RBFOX1: variants seen among roughly 807,000 people sequenced by gnomAD.
RBFOX1 encodes RNA binding fox-1 homolog 1.
RBFOX1 carries 8 observed loss-of-function variants against 57.7 expected under a neutral mutation model. The ratio of observed to expected loss-of-function variants is 0.14; its 90% CI spans 0.08 to 0.25. The LOEUF is 0.25. Among genes scored for constraint, RBFOX1 ranks in the 10% least tolerant of loss-of-function variants. The pLI is 1.00. For synonymous variants in RBFOX1, 326 were observed against 222.4 expected, an observed-to-expected ratio of 1.47 and a Z score of -4.15; for missense variants, 611 against 548.5, an observed-to-expected ratio of 1.11 and a Z score of -1.14.
chr16:6,156,765 G>T (rs1333346169), intron 1 of RBFOX1, among the ~76,000 whole-genome samples: 2 of 152,148 alleles, frequency 1.3e-5, no homozygotes, highest in South Asian at 2.1e-4. Context: ...TCCATTGGGG[G>T]CTCTTGTGTT....
chr16:6,117,226 C>G (rs1436572041), intron 1 of RBFOX1, among the ~76,000 whole-genome samples: 1 of 152,218 alleles, frequency 6.6e-6, no homozygotes, highest in East Asian at 1.9e-4. Flanking sequence ...CCACAAATTA[C>G]TATGAGTGTG....
intron 3 of RBFOX1, among the ~76,000 whole-genome samples, chr16:6,920,649 T>G (rs987862123): frequency 7.2e-5 from 11 of 152,166 alleles, no homozygotes; most frequent in Non-Finnish European, 1.6e-4. Flanking sequence ...TGAGGGAGAA[T>G]ACATTTCATA....
chr16:7,687,513 A>T (rs540902982), intron 14 of RBFOX1, among the ~76,000 whole-genome samples: 1 of 152,128 alleles, frequency 6.6e-6, no homozygotes, highest in Admixed American at 6.6e-5. Flanking sequence ...ACTCTTTGGT[A>T]AGATCAGCAA....
chr16:6,437,089 A>T (rs1281872364), intron 2 of RBFOX1, among the ~76,000 whole-genome samples: 1 of 152,182 alleles, frequency 6.6e-6, no homozygotes, highest in Non-Finnish European at 1.5e-5. Context: ...TGGACTTAAA[A>T]ACCAAATTAA....
chr16:5,880,471 GC>G (rs1222639221), intron 4 of RBFOX1, among the ~76,000 whole-genome samples: 29 of 152,308 alleles, frequency 1.9e-4, no homozygotes, highest in Admixed American at 1.8e-3. Context: ...ATTACTTTCA[GC>G]CAGCAGATCC....
At chr16:6,133,259 G>T (rs1204579513) in intron 1 of RBFOX1, among the ~76,000 whole-genome samples, 1 of 152,122 alleles carries the variant, frequency 6.6e-6, no homozygotes, top group East Asian at 1.9e-4. Context: ...CCACTGCCCT[G>T]CAGAGTTGAT....
intron 1 of RBFOX1, among the ~76,000 whole-genome samples, chr16:6,235,477 C>T (rs570053147): frequency 6.6e-6 from 1 of 151,848 alleles, no homozygotes; most frequent in African/African-American, 2.4e-5. Flanking sequence ...GCACAATTTG[C>T]AATTGCAAAA....
chr16:6,142,189 CAAAAAAAAAAAAA>C (rs71142685), intron 1 of RBFOX1, among the ~76,000 whole-genome samples: 9 of 49,094 alleles, frequency 1.8e-4, no homozygotes, highest in Admixed American at 3.9e-4. Context: ...GCTGCTGCTG[CAAAAAAAAAAAAA>C]AAAAAAAAAA....
At chr16:6,171,600 G>C (rs951080637) in intron 1 of RBFOX1, among the ~76,000 whole-genome samples, 2 of 152,062 alleles carry the variant, frequency 1.3e-5, no homozygotes, top group Admixed American at 1.3e-4. Flanking sequence ...ATGCTTAGAG[G>C]GTTAAAAAGC....
At chr16:6,944,997 C>T (rs750978742) in intron 3 of RBFOX1, among the ~76,000 whole-genome samples, 3 of 152,038 alleles carry the variant, frequency 2.0e-5, no homozygotes, top group Non-Finnish European at 4.4e-5. Flanking sequence ...TGAAAAGGGT[C>T]GTGACTTTTA....
At chr16:6,430,728 C>G (rs1567254304) in intron 2 of RBFOX1, among the ~76,000 whole-genome samples, 2 of 152,024 alleles carry the variant, frequency 1.3e-5, no homozygotes, top group Middle Eastern at 3.2e-3. Context: ...GGTAGACAAC[C>G]ACCAAATGCT....
chr16:6,028,000 G>A (rs2095228877), intron 1 of RBFOX1, among the ~76,000 whole-genome samples: 1 of 152,174 alleles, frequency 6.6e-6, no homozygotes, highest in African/African-American at 2.4e-5. Context: ...AAGTGACGGA[G>A]CAGGGGATTG....
chr16:7,565,341 T>G (rs1336922805), intron 5 of RBFOX1, among the ~76,000 whole-genome samples: 2 of 152,298 alleles, frequency 1.3e-5, no homozygotes, highest in African/African-American at 4.8e-5. Context: ...TTAGAACATA[T>G]ATATTTTCCC....
At chr16:7,430,893 C>G (rs1237204628) in intron 4 of RBFOX1, among the ~76,000 whole-genome samples, 2 of 152,160 alleles carry the variant, frequency 1.3e-5, no homozygotes, top group African/African-American at 4.8e-5. Flanking sequence ...TATGATGTGA[C>G]TGGAAAAGAA....
At chr16:6,343,145 C>T (rs1215308423) in intron 2 of RBFOX1, among the ~76,000 whole-genome samples, 1 of 152,142 alleles carries the variant, frequency 6.6e-6, no homozygotes, top group Non-Finnish European at 1.5e-5. Context: ...ACCCCTCTTC[C>T]TCTCTGTTCT....
At chr16:5,870,401 C>T (rs2057442275) in intron 4 of RBFOX1, among the ~76,000 whole-genome samples, 1 of 142,740 alleles carries the variant, frequency 7.0e-6, no homozygotes, top group Admixed American at 7.0e-5. Context: ...AATGAAGGCA[C>T]TTGGCAAGAA....
At chr16:6,306,413 T>C (rs1034691109) in intron 1 of RBFOX1, among the ~76,000 whole-genome samples, 5 of 152,306 alleles carry the variant, frequency 3.3e-5, no homozygotes, top group Non-Finnish European at 7.4e-5. Context: ...TCGAAAGGAA[T>C]GGAACTTTCT....
intron 3 of RBFOX1, among the ~76,000 whole-genome samples, chr16:6,829,496 CAAAA>C (rs1044487416): frequency 7.4e-6 from 1 of 134,918 alleles, no homozygotes; most frequent in African/African-American, 2.8e-5. Context: ...AAAAAAAAAA[CAAAA>C]AAACGTTAAC....
At chr16:7,384,235 G>C (rs1335752548) in intron 4 of RBFOX1, among the ~76,000 whole-genome samples, 1 of 151,682 alleles carries the variant, frequency 6.6e-6, no homozygotes, top group African/African-American at 2.4e-5. Flanking sequence ...ATATGAATAT[G>C]AAAAGCAAGG....
Sources: allele counts gnomAD v4.1 joint callset (sites outside exome capture counted in the v4.1 genomes callset), GRCh38; gene constraint gnomAD v4.1.1; transcripts MANE v1.5; gene names NCBI Gene and HGNC (gene_info 2026-07-23, HGNC 2026-07-21).